The following C1orf146 variants were observed in gnomAD, a reference collection of about 807,000 sequenced individuals.
The protein encoded by C1orf146 is protein SPO16 homolog.
Under a neutral mutation model 23.0 loss-of-function variants are expected in C1orf146, and 22 were observed. That is an observed-to-expected ratio of 0.96 (90% confidence interval 0.68 to 1.36). The LOEUF (loss-of-function observed/expected upper bound fraction) is 1.36, where lower values mean the gene tolerates loss of function less well. Ranked by LOEUF, C1orf146 falls within the 40% of genes most tolerant of loss-of-function variation. The pLI, the probability that C1orf146 is intolerant of heterozygous loss-of-function variation, is 0.00. For missense variants in C1orf146, 199 were observed against 206.8 expected (o/e 0.96, Z 0.23); for synonymous variants, 59 against 65.3 (o/e 0.90, Z 0.47).
chr1:92,233,927 G>A (rs1033205205), intron 2 of C1orf146, among the ~76,000 whole-genome samples: 279 of 152,066 alleles, frequency 1.8e-3, no homozygotes, highest in African/African-American at 6.3e-3. Context: ...TTATTGGTGT[G>A]TAAGAATGCC....
chr1:92,234,280 G>T lies in C1orf146; in HGVS notation c.66+2794G>T, dbSNP rs1423517442. On this transcript the variant is annotated intron_variant, in intron 2 of 5. Coordinates refer to ENST00000370375, the MANE Select transcript of C1orf146 (RefSeq NM_001012425.2). ...GATAGCTGTTATTATTTTGAGATAC[G>T]TCCCATCAATACCTAATTTATTGAG... 2.6e-5 allele frequency among the ~76,000 whole-genome samples: 4 copies of T among 152,226 alleles called. No individual in the cohort carries two copies. In the East Asian group the frequency reaches 7.7e-4, roughly 29 times the overall value.
At chr1:92,234,115 C>T (rs1652209285) in intron 2 of C1orf146, among the ~76,000 whole-genome samples, 1 of 152,078 alleles carries the variant, frequency 6.6e-6, no homozygotes, top group Non-Finnish European at 1.5e-5. Context: ...CTTCTCCTGC[C>T]TAATTGCCCT....
chr1:92,244,077 A>G, intron 3 of C1orf146, 140 bp from the exon 4 acceptor site: 1 of 580,826 alleles, frequency 1.7e-6, no homozygotes, highest in Non-Finnish European at 3.0e-6. Context: ...TAGGAATTCC[A>G]TTATAGTACT....
chr1:92,219,492 CTTTCTT>C (rs1334051562), intron 1 of C1orf146, among the ~76,000 whole-genome samples: 2 of 66,040 alleles, frequency 3.0e-5, no homozygotes, highest in African/African-American at 1.2e-4. Context: ...GTGACTTTCT[CTTTCTT>C]TTTTTTTTTT....
chr1:92,225,253 G>T (rs1365007411), intron 1 of C1orf146, among the ~76,000 whole-genome samples: 1 of 151,668 alleles, frequency 6.6e-6, no homozygotes, highest in Non-Finnish European at 1.5e-5. Flanking sequence ...CTAGAGTTGT[G>T]TGCCACCATA....
intron 2 of C1orf146, among the ~76,000 whole-genome samples, chr1:92,241,990 A>G (rs139491098): frequency 3.0e-4 from 45 of 152,212 alleles, no homozygotes; most frequent in African/African-American, 9.9e-4. Context: ...TAACTGTAGT[A>G]CGTAACTCAC....
chr1:92,237,211 T>C (rs1312477014), intron 2 of C1orf146, among the ~76,000 whole-genome samples: 1 of 152,214 alleles, frequency 6.6e-6, no homozygotes, highest in East Asian at 1.9e-4. Context: ...TTTTTTCTGC[T>C]CTGTTTTTTC....
At chr1:92,244,756 G>C in intron 4 of C1orf146, 23 bp from the exon 5 acceptor site, 1 of 1,448,734 alleles carries the variant, frequency 6.9e-7, no homozygotes, top group Non-Finnish European at 9.7e-7. Flanking sequence ...TATATGATCT[G>C]TATAACATGA....
Position 92,231,363 on chromosome 1 carries a change from G to T in C1orf146, c.-39-19G>T, listed in dbSNP as rs1652115238. On this transcript the variant is annotated intron_variant, in intron 1 of 5. Transcript: ENST00000370375. Reference sequence around the variant, plus strand: ...CATCAGATATTTCTTTGCATTCTTTGTGTTCTTAATTTTCTCAGATTGTTG... The same window carrying T: ...CATCAGATATTTCTTTGCATTCTTTTTGTTCTTAATTTTCTCAGATTGTTG... The T allele has an allele frequency of 6.0e-6, 7 of 1,162,562 alleles. No individual in the cohort carries two copies. The highest frequency in any genetic ancestry group is 1.4e-5 in the South Asian group (1 of 71,516). The allele number at this position is 1,162,562 out of a possible 1,614,324, so 72.0% of individuals were successfully genotyped here.
intron 1 of C1orf146, among the ~76,000 whole-genome samples, chr1:92,220,571 A>G (rs1283609584): frequency 6.6e-6 from 1 of 152,224 alleles, no homozygotes; most frequent in Non-Finnish European, 1.5e-5. Context: ...ACATATCTAA[A>G]TGTAAAAAAA....
intron 1 of C1orf146, among the ~76,000 whole-genome samples, chr1:92,230,897 C>T (rs947139163): frequency 1.3e-5 from 2 of 152,166 alleles, no homozygotes; most frequent in African/African-American, 2.4e-5. Flanking sequence ...GGGTTTCTTT[C>T]CTATAATACA....
intron 2 of C1orf146, among the ~76,000 whole-genome samples, chr1:92,233,125 T>G (rs1652176208): frequency 6.6e-6 from 1 of 152,236 alleles, no homozygotes. Context: ...TAGATCCCAT[T>G]TGTCAATTTT....
At chr1:92,241,304 C>G (rs1652425814) in intron 2 of C1orf146, among the ~76,000 whole-genome samples, 1 of 151,442 alleles carries the variant, frequency 6.6e-6, no homozygotes, top group South Asian at 2.1e-4. Flanking sequence ...CTTAACCTCC[C>G]AGGCTCAAGT....
intron 1 of C1orf146, among the ~76,000 whole-genome samples, chr1:92,230,054 T>G (rs1296053206): frequency 1.5e-5 from 2 of 129,146 alleles, no homozygotes; most frequent in Non-Finnish European, 3.3e-5. Context: ...TGGTTGCCAC[T>G]GTATGGTGCA....
intron 2 of C1orf146, among the ~76,000 whole-genome samples, chr1:92,232,000 T>C (rs1652134091): frequency 6.6e-6 from 1 of 152,202 alleles, no homozygotes; most frequent in Admixed American, 6.5e-5. Flanking sequence ...CACCAGCTGA[T>C]GTCTGGAATG....
In C1orf146 at chr1:92,245,614, T is replaced by C; in HGVS notation, c.483T>C (p.Ser161=). ...ITAKAYIIEQ[S]PVWKTLQKIK... is the part of the protein sequence containing the mutation. ...CTAAAGCTTACATCATTGAGCAAAGTCCTGTTTGGAAAACACTTCAGAAGA... is the reference window on the plus strand; with the variant it reads ...CTAAAGCTTACATCATTGAGCAAAGCCCTGTTTGGAAAACACTTCAGAAGA... Residue 161 remains serine (S), a synonymous_variant, in exon 6 of 6, where the codon AGT becomes AGC. Transcript: ENST00000370375. 6.2e-7 allele frequency: 1 copy of C among 1,601,060 alleles called. No homozygotes were observed.
chr1:92,237,160 C>T (rs992462469), intron 2 of C1orf146, among the ~76,000 whole-genome samples: 1 of 152,182 alleles, frequency 6.6e-6, no homozygotes, highest in Non-Finnish European at 1.5e-5. Context: ...GAACTGTGAT[C>T]CTTTGGAGGA....
At chr1:92,231,837 A>G (rs1465461419) in intron 2 of C1orf146, among the ~76,000 whole-genome samples, 1 of 152,090 alleles carries the variant, frequency 6.6e-6, no homozygotes. Flanking sequence ...CTGATATCCT[A>G]GCCTTGGCAG....
intron 2 of C1orf146, 50 bp from the exon 3 acceptor site, chr1:92,242,162 A>G (rs752601579): frequency 2.9e-5 from 30 of 1,018,956 alleles, no homozygotes; most frequent in Non-Finnish European, 4.4e-5. Context: ...TAGCTTTAAT[A>G]CAATTGTAAG....
Sources: allele counts gnomAD v4.1 joint callset (sites outside exome capture counted in the v4.1 genomes callset), GRCh38; gene constraint gnomAD v4.1.1; transcripts MANE v1.5; gene names NCBI Gene and HGNC (gene_info 2026-07-23, HGNC 2026-07-21).